EPS15L1: variants seen among roughly 807,000 people sequenced by gnomAD.
EPS15L1 encodes the protein epidermal growth factor receptor pathway substrate 15 like 1.
EPS15L1 carries 43 observed loss-of-function variants against 117.1 expected under a neutral mutation model. That is an observed-to-expected ratio of 0.37 (90% CI 0.29 to 0.47). The LOEUF (loss-of-function observed/expected upper bound fraction) is 0.47. EPS15L1 is among the 20% of genes least tolerant of loss of function. EPS15L1 has a pLI of 0.99. For missense variants in EPS15L1, 981 were observed against 1,164.0 expected (o/e 0.84, Z 2.29); for synonymous variants, 459 against 470.5 (o/e 0.98, Z 0.32).
intron 1 of EPS15L1, among the ~76,000 whole-genome samples, chr19:16,454,616 G>C (rs1203670255): frequency 6.6e-6 from 1 of 152,144 alleles, no homozygotes; most frequent in Admixed American, 6.6e-5. Context: ...GGGGCTCAAG[G>C]CCTCCATCCA....
In EPS15L1 at chr19:16,441,768, G is replaced by A. The variant is rs2093034060; in HGVS notation, c.165+124C>T. The A allele has an allele frequency of 1.0e-5, 7 of 683,148 alleles. No individual in the cohort carries two copies. The South Asian group carries it at 1.2e-4, about 12-fold the overall frequency. The allele number at this position is 683,148 out of a possible 1,614,324, so 42.3% of individuals were successfully genotyped here. A position where few individuals can be genotyped will look rare whatever the true frequency, so the allele number is the denominator to read the frequency against. On this transcript the variant is annotated intron_variant, in intron 3 of 23. Coordinates refer to ENST00000455140, the MANE Select transcript of EPS15L1 (RefSeq NM_001258374.3). Reference sequence around the variant, plus strand: ...CCAGCTGCAGCCTGAGAGGTCTGCAGCGACCAGGCCACTACCCAGGAGGCC... The same window carrying A: ...CCAGCTGCAGCCTGAGAGGTCTGCAACGACCAGGCCACTACCCAGGAGGCC...
chr19:16,369,365 G>T (rs555158458), intron 22 of EPS15L1, among the ~76,000 whole-genome samples: 2 of 152,308 alleles, frequency 1.3e-5, no homozygotes, highest in Admixed American at 6.5e-5. Context: ...AAGGGAACAG[G>T]ATGAGGTTTG....
intron 1 of EPS15L1, among the ~76,000 whole-genome samples, chr19:16,465,315 C>T (rs901129808): frequency 1.1e-4 from 16 of 152,058 alleles, no homozygotes; most frequent in Non-Finnish European, 7.4e-5. Context: ...TGCTGTGGGC[C>T]GGGCCTGGAC....
chr19:16,386,659 AG>A (rs2092423589), intron 19 of EPS15L1, among the ~76,000 whole-genome samples: 1 of 152,212 alleles, frequency 6.6e-6, no homozygotes, highest in South Asian at 2.1e-4. Context: ...CCCAGGGGAA[AG>A]GAAGGGGAAT....
Position 16,366,558 on chromosome 19 carries a change from C to T in EPS15L1, c.2381-4574G>A, listed in dbSNP as rs1021422954. On this transcript the variant is annotated intron_variant, in intron 22 of 23. Coordinates refer to ENST00000455140, the MANE Select transcript of EPS15L1 (RefSeq NM_001258374.3). ...CCTGGTTTTGCTCTGTTGCCGAAAC[C>T]GTTGTTATTTAGAAATCATGACTAT... Among the ~76,000 whole-genome samples the T allele has an allele frequency of 3.3e-5, 5 of 152,224 alleles. No individual in the cohort carries two copies. In the South Asian group the frequency reaches 6.2e-4, roughly 19 times the overall value.
chr19:16,422,063 C>T (rs2092819470), intron 9 of EPS15L1, among the ~76,000 whole-genome samples: 1 of 152,180 alleles, frequency 6.6e-6, no homozygotes, highest in African/African-American at 2.4e-5. Context: ...CCAAGAGGGC[C>T]ACCACCCACG....
intron 13 of EPS15L1, among the ~76,000 whole-genome samples, chr19:16,410,252 T>C (rs980371551): frequency 1.3e-5 from 2 of 152,000 alleles, no homozygotes; most frequent in Non-Finnish European, 2.9e-5. Context: ...AATAAGCACA[T>C]GGAAAGATAC....
chr19:16,397,056 T>G (rs2092547924), intron 16 of EPS15L1, among the ~76,000 whole-genome samples: 1 of 152,132 alleles, frequency 6.6e-6, no homozygotes, highest in Non-Finnish European at 1.5e-5. Flanking sequence ...TTAAAGACAG[T>G]GAAGATGGTC....
At chr19:16,437,704 T>TGCATATACACACACACAC in intron 5 of EPS15L1, 66 bp downstream of exon 5, 2 of 1,108,038 alleles carry the variant, frequency 1.8e-6, no homozygotes, top group Non-Finnish European at 2.8e-6. Flanking sequence ...CATACACACA[T>TGCATATACACACACACAC]GCACATACAC....
intron 7 of EPS15L1, among the ~76,000 whole-genome samples, chr19:16,431,115 C>T (rs2092923110): frequency 1.3e-5 from 2 of 151,416 alleles, no homozygotes; most frequent in African/African-American, 4.9e-5. Flanking sequence ...GGGGTGCACC[C>T]GTGTTCCCAG....
chr19:16,363,775 C>G (rs902489732), intron 22 of EPS15L1, among the ~76,000 whole-genome samples: 2 of 152,234 alleles, frequency 1.3e-5, no homozygotes, highest in Non-Finnish European at 2.9e-5. Flanking sequence ...GGCCCGTAGC[C>G]CCCCCTTGCC....
At chr19:16,399,020 G>A (rs367640832) in intron 16 of EPS15L1, among the ~76,000 whole-genome samples, 15 of 151,468 alleles carry the variant, frequency 9.9e-5, no homozygotes, top group East Asian at 7.7e-4. Context: ...GTTTTCAGTC[G>A]TCACTTGGAA....
rs926925028 is a variant in EPS15L1, at chr19:16,370,169, G to A, written c.2380+6953C>T. On this transcript the variant is annotated intron_variant, in intron 22 of 23. Transcript: ENST00000455140. This position sits in a 1 kb window ranked among gnomAD's most constrained non-coding sequence, Gnocchi z 5.2. ...AGAGCCCACCAGGAGCTCCCATGGTGGGGGACACTTTTGCTCTCTTTATGG... is the reference window on the plus strand; with the variant it reads ...AGAGCCCACCAGGAGCTCCCATGGTAGGGGACACTTTTGCTCTCTTTATGG... Among the ~76,000 whole-genome samples, 1 of 152,210 alleles carries A rather than the reference G, an allele frequency of 6.6e-6. No homozygotes were observed. Among genetic ancestry groups the A allele is most frequent in the Non-Finnish European group, 1.5e-5 (1 of 68,036 alleles).
At chr19:16,388,864 T>C (rs2092448571) in intron 19 of EPS15L1, among the ~76,000 whole-genome samples, 1 of 151,846 alleles carries the variant, frequency 6.6e-6, no homozygotes, top group Admixed American at 6.6e-5. Context: ...ACTCTTCTCA[T>C]TAAGGACAAT....
At chr19:16,468,782 TAGA>T (rs2093324832) in intron 1 of EPS15L1, among the ~76,000 whole-genome samples, 1 of 152,158 alleles carries the variant, frequency 6.6e-6, no homozygotes, top group Admixed American at 6.5e-5. Flanking sequence ...GAGGCTGAGA[TAGA>T]AGGATTGCTT....
chr19:16,356,818 C>T (rs986491108), intron 23 of EPS15L1: 2 of 152,220 alleles, frequency 1.3e-5, no homozygotes, highest in East Asian at 1.9e-4. Flanking sequence ...ATCCCACAAG[C>T]TCCTCCCCCA....
At chr19:16,391,386 C>T (rs2092472303) in intron 19 of EPS15L1, among the ~76,000 whole-genome samples, 1 of 152,000 alleles carries the variant, frequency 6.6e-6, no homozygotes, top group Admixed American at 6.6e-5. Context: ...TAAAAAGGGG[C>T]CAATAAGAAA....
At chr19:16,414,513 G>GCCTCA (rs2092738574) in intron 12 of EPS15L1, among the ~76,000 whole-genome samples, 1 of 150,800 alleles carries the variant, frequency 6.6e-6, no homozygotes. Flanking sequence ...CGATTCTCCT[G>GCCTCA]CCTCAGCCTC....
Position 16,355,762 on chromosome 19 carries a change from C to T in EPS15L1, c.2676G>A (p.Glu892=), listed in dbSNP as rs1427526793. 1.3e-6 allele frequency: 2 copies of T among 1,535,958 alleles called. No homozygotes were observed. The highest frequency in any genetic ancestry group is 4.9e-5 in the East Asian group (2 of 40,930). ...QERLARLRRQ[E]QEDLELAIAL... is the part of the protein sequence containing the mutation. The stretch of plus-strand genomic sequence containing the variant: ...CGATGGCCAGTTCCAGGTCCTCCTG[C>T]TCCTGCCGCCGCAGCCGCGCCAGCC... Residue 892 remains glutamate, a synonymous_variant, in exon 24 of 24, where the codon GAG becomes GAA. Coordinates refer to ENST00000455140, the MANE Select transcript of EPS15L1 (RefSeq NM_001258374.3).
Sources: allele counts gnomAD v4.1 joint callset (sites outside exome capture counted in the v4.1 genomes callset), GRCh38; gene constraint gnomAD v4.1.1; non-coding constraint Gnocchi (gnomAD v3.1); transcripts MANE v1.5; gene names NCBI Gene and HGNC (gene_info 2026-07-23, HGNC 2026-07-21).